Variants in VPS13A observed in about 807,000 individuals in gnomAD.
The protein encoded by VPS13A is intermembrane lipid transfer protein VPS13A.
In VPS13A, 264 loss-of-function variants were observed where a neutral mutation model predicts 390.9. The observed-to-expected ratio is 0.68, with a 90% CI of 0.61 to 0.75. The LOEUF is 0.75. Among genes scored for constraint, VPS13A ranks in the 30% least tolerant of loss-of-function variants. The pLI is 0.00. For missense variants in VPS13A, 3,409 were observed against 3,733.9 expected (o/e 0.91, Z 2.27); for synonymous variants, 1,231 against 1,227.1 (o/e 1.00, Z -0.07).
chr9:77,292,381 G>T (rs2131370026), intron 31 of VPS13A, among the ~76,000 whole-genome samples: 1 of 152,178 alleles, frequency 6.6e-6, no homozygotes, highest in East Asian at 1.9e-4. Context: ...GTACCTGTTT[G>T]TCCTTAGATT....
At chr9:77,373,922 T>C (rs956670725) in intron 67 of VPS13A, among the ~76,000 whole-genome samples, 16 of 152,236 alleles carry the variant, frequency 1.1e-4, no homozygotes, top group African/African-American at 3.9e-4. Flanking sequence ...GTTTCAACTT[T>C]ATGAAGTTCC....
At chr9:77,305,186 C>G (rs902163280) in intron 34 of VPS13A, among the ~76,000 whole-genome samples, 1 of 152,128 alleles carries the variant, frequency 6.6e-6, no homozygotes, top group South Asian at 2.1e-4. Flanking sequence ...GATCCACCCC[C>G]CTTGGCCTCC....
intron 54 of VPS13A, among the ~76,000 whole-genome samples, chr9:77,355,523 T>A (rs1459134575): frequency 6.6e-6 from 1 of 152,206 alleles, no homozygotes; most frequent in Non-Finnish European, 1.5e-5. Flanking sequence ...CCAGAATTTC[T>A]CTCTTAGGTA....
intron 46 of VPS13A, among the ~76,000 whole-genome samples, chr9:77,334,226 A>C (rs577045915): frequency 3.3e-4 from 51 of 152,252 alleles, no homozygotes; most frequent in Admixed American, 2.4e-3. Context: ...TTGGAAGATA[A>C]AATTTGAAAG....
At chr9:77,214,674 T>G (rs948940499) in intron 10 of VPS13A, among the ~76,000 whole-genome samples, 3 of 152,202 alleles carry the variant, frequency 2.0e-5, no homozygotes, top group African/African-American at 7.2e-5. Flanking sequence ...TAGGGTAATA[T>G]TTATGAAGAC....
intron 19 of VPS13A, among the ~76,000 whole-genome samples, chr9:77,243,638 T>G (rs1030260637): frequency 1.3e-5 from 2 of 152,222 alleles, no homozygotes; most frequent in Non-Finnish European, 1.5e-5. Context: ...CTTTCAGTTA[T>G]TTCATTTATT....
chr9:77,330,057 A>G (rs769568792), intron 45 of VPS13A, among the ~76,000 whole-genome samples: 4 of 152,252 alleles, frequency 2.6e-5, no homozygotes, highest in African/African-American at 7.2e-5. Flanking sequence ...GTCTTGCTCT[A>G]TCGCCCAGGA....
intron 1 of VPS13A, among the ~76,000 whole-genome samples, chr9:77,198,959 G>A (rs1393324405): frequency 3.3e-5 from 5 of 152,110 alleles, no homozygotes; most frequent in Admixed American, 6.5e-5. Context: ...CACCGCTCCC[G>A]GCTGGGATCC....
Position 77,339,848 on chromosome 9 carries a change from A to G in VPS13A, c.6711A>G (p.Pro2237=). 2.5e-6 allele frequency: 4 copies of G among 1,613,852 alleles called. No homozygotes were observed. The highest frequency in any genetic ancestry group is 3.4e-6 in the Non-Finnish European group (4 of 1,179,956). Residue 2237 remains proline, a synonymous_variant, in exon 48 of 72, where the codon CCA becomes CCG. Coordinates refer to ENST00000360280, the MANE Select transcript of VPS13A (RefSeq NM_033305.3). ...YKADGIHRKH[P]PNYKKPVLFS... ...CAGACGGAATTCATCGAAAGCATCC[A>G]CCTAATTATAAAAAGCCAGTTCTCT...
chr9:77,277,297 A>G (rs1017364664), intron 26 of VPS13A, among the ~76,000 whole-genome samples: 1 of 152,192 alleles, frequency 6.6e-6, no homozygotes, highest in African/African-American at 2.4e-5. Flanking sequence ...GTTTTAGATC[A>G]TGGGACAATT....
At chr9:77,397,769 A>G (rs533658633) in intron 68 of VPS13A, among the ~76,000 whole-genome samples, 1 of 152,154 alleles carries the variant, frequency 6.6e-6, no homozygotes, top group African/African-American at 2.4e-5. Flanking sequence ...ACCAGTAACC[A>G]TGTATTTTAA....
At chr9:77,329,673 A>G (rs1830184231) in intron 45 of VPS13A, among the ~76,000 whole-genome samples, 1 of 152,236 alleles carries the variant, frequency 6.6e-6, no homozygotes, top group African/African-American at 2.4e-5. Flanking sequence ...ATGCTGTTAG[A>G]AAAATGGCAC....
intron 1 of VPS13A, among the ~76,000 whole-genome samples, chr9:77,186,687 C>G (rs559255938): frequency 6.6e-6 from 1 of 152,126 alleles, no homozygotes. Context: ...CTGCCCGCCT[C>G]GGCCTCCCAA....
chr9:77,263,307 C>T (rs538829281), intron 23 of VPS13A, among the ~76,000 whole-genome samples: 1 of 152,076 alleles, frequency 6.6e-6, no homozygotes, highest in Non-Finnish European at 1.5e-5. Flanking sequence ...TGGGGTTTCA[C>T]CATTTTAGCC....
In VPS13A at chr9:77,353,391, T is replaced by G. The variant is rs771954935; in HGVS notation, c.7420-18T>G. The G allele has an allele frequency of 1.3e-6, 2 of 1,560,798 alleles. No individual in the cohort carries two copies. The highest frequency in any genetic ancestry group is 2.4e-5 in the South Asian group (2 of 83,162). On this transcript the variant is annotated intron_variant, in intron 53 of 71. Transcript: ENST00000360280. ...CTAATTTTTTGGTTTTTTTTTTTTTTTGGTGGTTTTATTCTAGGATATGAT... is the reference window on the plus strand; with the variant it reads ...CTAATTTTTTGGTTTTTTTTTTTTTGTGGTGGTTTTATTCTAGGATATGAT...
chr9:77,220,291 G>A lies in VPS13A; in HGVS notation c.897G>A (p.Met299Ile). The change falls in exon 12 of 72, where the codon ATG becomes ATA. Residue 299 changes from methionine to isoleucine, a missense_variant. Met to Ile is a conservative substitution (Grantham distance 10). Around this residue, in one of 5 missense-constraint regions of VPS13A, gnomAD observed 2,717 missense variants for 2,917.4 expected, o/e 0.93. Coordinates refer to ENST00000360280, the MANE Select transcript of VPS13A (RefSeq NM_033305.3). ...EFNKPQYFSIMELLESVDMMA... is the reference protein window; with the variant it reads ...EFNKPQYFSIIELLESVDMMA... ...CCATTCTTTAGTATTTCAGTATTAT[G>A]GAGCTTCTTGAATCAGTTGATATGA... 2 of 1,611,452 alleles carry A rather than the reference G, an allele frequency of 1.2e-6. No individual in the cohort carries two copies. The highest frequency in any genetic ancestry group is 1.7e-6 in the Non-Finnish European group (2 of 1,178,650).
chr9:77,275,617 A>C lies in VPS13A; in HGVS notation c.2632A>C (p.Met878Leu), dbSNP rs1372582178. Residue 878 changes from methionine (M) to leucine (L), a missense_variant, in exon 25 of 72, where the codon ATG (methionine) becomes CTG (leucine). Met to Leu is a conservative substitution (Grantham distance 15, BLOSUM62 2). Coordinates refer to ENST00000360280, the MANE Select transcript of VPS13A (RefSeq NM_033305.3). ...KLQKQDCSVN[M>L]TTFKIRFEVP... ...ACAAAAGCAGGATTGTTCAGTAAATATGACTACATTTAAAATAAGATTTGA... is the reference window on the plus strand; with the variant it reads ...ACAAAAGCAGGATTGTTCAGTAAATCTGACTACATTTAAAATAAGATTTGA... 1 of 1,613,698 alleles carries C rather than the reference A, an allele frequency of 6.2e-7. No individual in the cohort carries two copies. The highest frequency in any genetic ancestry group is 2.2e-5 in the East Asian group (1 of 44,794).
Position 77,250,210 on chromosome 9 carries a change from G to A in VPS13A, c.2151G>A (p.Gln717=), listed in dbSNP as rs2131267471. Residue 717 remains glutamine (Q), a synonymous_variant, in exon 21 of 72, where the codon CAG becomes CAA. Transcript: ENST00000360280. The stretch of plus-strand genomic sequence containing the variant: ...TTGATATTCAACTTACAAGTGTACA[G>A]CTGCTTTACAGTAGAGTTGGTGAGT... ...DSFDIQLTSV[Q]LLYSRVGDNW... The A allele has an allele frequency of 6.2e-7, 1 of 1,613,622 alleles. No homozygotes were observed. The highest frequency in any genetic ancestry group is 1.1e-5 in the South Asian group (1 of 91,084).
At chr9:77,237,766 AT>A (rs1824238329) in intron 17 of VPS13A, among the ~76,000 whole-genome samples, 1 of 152,200 alleles carries the variant, frequency 6.6e-6, no homozygotes, top group Non-Finnish European at 1.5e-5. Flanking sequence ...ATTTACTGTC[AT>A]TTTAATTTTA....
Sources: gnomAD v4.1 joint callset for allele counts (sites outside exome capture counted in the v4.1 genomes callset) on GRCh38, gnomAD v4.1.1 for gene constraint, gnomAD v4.1.1 regional missense constraint, MANE v1.5 for transcripts, NCBI Gene and HGNC (gene_info 2026-07-23, HGNC 2026-07-21) for gene names.